TUBGCP4: variants seen among roughly 807,000 people sequenced by gnomAD.
TUBGCP4 encodes the protein tubulin gamma complex component 4.
A neutral mutation model predicts 91.6 loss-of-function variants in TUBGCP4; 54 were observed. The observed-to-expected ratio is 0.59, with a 90% CI of 0.47 to 0.74. TUBGCP4 has a LOEUF of 0.74. TUBGCP4 is among the 30% of genes least tolerant of loss of function. The pLI, the probability that TUBGCP4 is intolerant of heterozygous loss-of-function variation, is 0.00. For missense variants in TUBGCP4, 593 were observed against 800.9 expected (o/e 0.74, Z 3.13); for synonymous variants, 297 against 302.8 (o/e 0.98, Z 0.20).
rs45528644 is a variant in TUBGCP4 at position 43,408,327 on chromosome 15, A to G, written c.*3113A>G. The stretch of plus-strand genomic sequence containing the variant: ...ACCCCATCTCTACAAAAGACAACAA[A>G]AAAATTAGCTGGGTGTGGTGGCGAG... On this transcript the variant is annotated 3_prime_UTR_variant, in exon 18 of 18. Coordinates refer to ENST00000564079, the MANE Select transcript of TUBGCP4 (RefSeq NM_014444.5). The G allele has an allele frequency of 4.5e-3, 1,836 of 408,146 alleles. 36 individuals carry two copies. Among genetic ancestry groups the G allele is most frequent in the African/African-American group, 0.035 (1,692 of 48,752 alleles). 25.3% of individuals were successfully genotyped at this position (408,146 alleles called of 1,614,324 possible). A position where few individuals can be genotyped will look rare whatever the true frequency, so the allele number is the denominator to read the frequency against.
chr15:43,395,577 C>T lies in TUBGCP4; in HGVS notation c.1066-6C>T, dbSNP rs747408422. 12 of 1,609,062 alleles carry T rather than the reference C, an allele frequency of 7.5e-6. No homozygotes were observed. Among genetic ancestry groups the T allele is most frequent in the South Asian group, 1.1e-5 (1 of 90,936 alleles). ...ACTGAATTGTAAATTGAAATTCTTT[C>T]CTCAGATCATTAAAGACTTTTACCT... On this transcript the variant is annotated splice_region_variant and splice_polypyrimidine_tract_variant and intron_variant, in intron 10 of 17. Transcript: ENST00000564079.
At chr15:43,399,196 A>G in intron 13 of TUBGCP4, 4 of 1,196,490 alleles carry the variant, frequency 3.3e-6, no homozygotes, top group Non-Finnish European at 4.3e-6. Flanking sequence ...CTATTCTACC[A>G]GGAATCAGCT....
chr15:43,407,962 A>G lies in TUBGCP4; in HGVS notation c.*2748A>G, dbSNP rs755554380. 3.1e-6 allele frequency: 5 copies of G among 1,613,264 alleles called. No homozygotes were observed. The Admixed American group carries it at 8.3e-5, about 27-fold the overall frequency. On this transcript the variant is annotated 3_prime_UTR_variant, in exon 18 of 18. Coordinates refer to ENST00000564079, the MANE Select transcript of TUBGCP4 (RefSeq NM_014444.5). ...AGGTACCTTTGTTATGGGCACTTGA[A>G]TGGTGCTGCTTCACAGAGGCTGCAC...
In TUBGCP4 at chr15:43,408,104, G is replaced by C. The variant is rs777123727; in HGVS notation, c.*2890G>C. On this transcript the variant is annotated 3_prime_UTR_variant, in exon 18 of 18. Transcript: ENST00000564079. ...ACGGGGTTGCCTATGAAGGAGACAG[G>C]AAAGGACCTTAGCATGACAAGTAAT... 6.2e-7 allele frequency: 1 copy of C among 1,612,560 alleles called. No homozygotes were observed. The highest frequency in any genetic ancestry group is 2.2e-5 in the East Asian group (1 of 44,870).
At position 43,407,149 on chromosome 15, in the gene TUBGCP4, G is replaced by A. The variant is rs1432420170; in HGVS notation, c.*1935G>A. ...GAATAAGCCTGTTGAAAGACTCAGA[G>A]AAAGTACTATGTCTTGTCATTTGTT... is the stretch of plus-strand genomic sequence containing the variant. On this transcript the variant is annotated 3_prime_UTR_variant, in exon 18 of 18. Coordinates refer to ENST00000564079, the MANE Select transcript of TUBGCP4 (RefSeq NM_014444.5). The A allele has an allele frequency of 6.4e-6, 3 of 471,418 alleles. No homozygotes were observed. The highest frequency in any genetic ancestry group is 1.1e-5 in the Non-Finnish European group (3 of 262,086). The allele number at this position is 471,418 out of a possible 1,614,324, so 29.2% of individuals were successfully genotyped here.
rs756865713 is a variant in TUBGCP4 at position 43,376,109 on chromosome 15, C to T, written c.90C>T (p.Asp30=). 7 of 1,613,972 alleles carry T rather than the reference C, an allele frequency of 4.3e-6. No individual in the cohort carries two copies. Among genetic ancestry groups the T allele is most frequent in the South Asian group, 3.3e-5 (3 of 91,076 alleles). Residue 30 remains aspartate, a synonymous_variant, in exon 2 of 18, where the codon GAC becomes GAT. Coordinates refer to ENST00000564079, the MANE Select transcript of TUBGCP4 (RefSeq NM_014444.5). ...TCCTCTTCCTGCAGGTATCGCAGGACTTCCCTTTCCTCCACCCCAGTGAGA... is the reference window on the plus strand; with the variant it reads ...TCCTCTTCCTGCAGGTATCGCAGGATTTCCCTTTCCTCCACCCCAGTGAGA... ...NKRSGLQVSQ[D]FPFLHPSETS... is the part of the protein sequence containing the mutation.
At position 43,409,770 on chromosome 15, in the gene TUBGCP4, A is replaced by G; in HGVS notation, c.*4556A>G. On this transcript the variant is annotated 3_prime_UTR_variant, in exon 18 of 18. Coordinates refer to ENST00000564079, the MANE Select transcript of TUBGCP4 (RefSeq NM_014444.5). ...TATTAAAAAAAAAAACCAAGATAAT[A>G]ATTACTGAGTGGTTTTCTTATTTGC... is the stretch of plus-strand genomic sequence containing the variant. 1 of 1,179,798 alleles carries G rather than the reference A, an allele frequency of 8.5e-7. No homozygotes were observed. The highest frequency in any genetic ancestry group is 1.2e-6 in the Non-Finnish European group (1 of 838,810). 73.1% of individuals were successfully genotyped at this position (1,179,798 alleles called of 1,614,324 possible). A position where few individuals can be genotyped will look rare whatever the true frequency, so the allele number is the denominator to read the frequency against.
At position 43,397,277 on chromosome 15, in the gene TUBGCP4, C is replaced by T. The variant is rs1595496277; in HGVS notation, c.1235C>T (p.Pro412Leu). ...KVLLDDDNLL[P>L]LLHLTIEYHG... ...TTGCTAGATGATGACAACCTTCTCC[C>T]TCTGTTGCACTTGACAATCGAGTAT... The change falls in exon 12 of 18, where the codon CCT becomes CTT. Residue 412 changes from proline to leucine, a missense_variant. Transcript: ENST00000564079. 6.2e-7 allele frequency: 1 copy of T among 1,614,052 alleles called. No homozygotes were observed.
chr15:43,390,291 G>C (rs1468878682), intron 9 of TUBGCP4, among the ~76,000 whole-genome samples: 1 of 151,974 alleles, frequency 6.6e-6, no homozygotes, highest in Non-Finnish European at 1.5e-5. Context: ...GATATTTTTA[G>C]GAGGGAAAAC....
intron 9 of TUBGCP4, among the ~76,000 whole-genome samples, chr15:43,387,443 A>T (rs1314370599): frequency 6.6e-6 from 1 of 152,168 alleles, no homozygotes; most frequent in Non-Finnish European, 1.5e-5. Context: ...TAAGCATAGA[A>T]TCGCATGAGA....
rs1414343302 is a variant in TUBGCP4, at chr15:43,408,028, C to T, written c.*2814C>T. The T allele has an allele frequency of 6.2e-7, 1 of 1,614,146 alleles. No individual in the cohort carries two copies. The highest frequency in any genetic ancestry group is 1.1e-5 in the South Asian group (1 of 91,082). On this transcript the variant is annotated 3_prime_UTR_variant, in exon 18 of 18. Coordinates refer to ENST00000564079, the MANE Select transcript of TUBGCP4 (RefSeq NM_014444.5). ...TCTCAGACCAGAGCTCCAGGAAGTT[C>T]TGCTGTTGGTCTGATACCAAGAGTA...
rs779140167 is a variant in TUBGCP4, at chr15:43,383,405, G to T, written c.624G>T (p.Gly208=). ...ATGAAGAATTCTTTATCAAACAGGG[G>T]CCATCTTCTGGTAATGTCAGTGCCC... ...DQHEEFFIKQ[G]PSSGNVSAQP... Residue 208 remains glycine, a synonymous_variant, in exon 7 of 18, where the codon GGG becomes GGT. Transcript: ENST00000564079. The T allele has an allele frequency of 6.2e-7, 1 of 1,614,168 alleles. No homozygotes were observed. Among genetic ancestry groups the T allele is most frequent in the Middle Eastern group, 1.6e-4 (1 of 6,062 alleles).
chr15:43,406,162 C>T lies in TUBGCP4; in HGVS notation c.*948C>T, dbSNP rs981239471. On this transcript the variant is annotated 3_prime_UTR_variant, in exon 18 of 18. Transcript: ENST00000564079. ...ATTGCAGGCCCAATTACCCATCTTACACAAACCATAGGGGTTGAAGTTATC... is the reference window on the plus strand; with the variant it reads ...ATTGCAGGCCCAATTACCCATCTTATACAAACCATAGGGGTTGAAGTTATC... 6.6e-6 allele frequency: 1 copy of T among 151,676 alleles called. No homozygotes were observed. Among genetic ancestry groups the T allele is most frequent in the African/African-American group, 2.4e-5 (1 of 41,148 alleles). The allele number at this position is 151,676 out of a possible 1,614,324, so 9.4% of individuals were successfully genotyped here. A position where few individuals can be genotyped will look rare whatever the true frequency, so the allele number is the denominator to read the frequency against.
chr15:43,407,967 G>C lies in TUBGCP4; in HGVS notation c.*2753G>C. The C allele has an allele frequency of 6.2e-7, 1 of 1,613,588 alleles. No homozygotes were observed. Among genetic ancestry groups the C allele is most frequent in the Non-Finnish European group, 8.5e-7 (1 of 1,179,984 alleles). On this transcript the variant is annotated 3_prime_UTR_variant, in exon 18 of 18. Coordinates refer to ENST00000564079, the MANE Select transcript of TUBGCP4 (RefSeq NM_014444.5). ...CCTTTGTTATGGGCACTTGAATGGT[G>C]CTGCTTCACAGAGGCTGCACCACCA...
chr15:43,385,655 GAGAA>G (rs1639925192), intron 7 of TUBGCP4, 132 bp from the exon 8 acceptor site: 2 of 854,734 alleles, frequency 2.3e-6, no homozygotes, highest in African/African-American at 3.4e-5. Context: ...TGGGTGGTTT[GAGAA>G]CTGTGCAACA....
chr15:43,404,086 TTGAACTAACCCCC>T, intron 16 of TUBGCP4: 1 of 522,566 alleles, frequency 1.9e-6, no homozygotes, highest in Middle Eastern at 4.9e-4. Context: ...CCTTACTTCC[TTGAACTAACCCCC>T]ATCTCACTGA....
chr15:43,388,456 C>G (rs1355717053), intron 9 of TUBGCP4, among the ~76,000 whole-genome samples: 1 of 152,178 alleles, frequency 6.6e-6, no homozygotes, highest in Admixed American at 6.5e-5. Context: ...ATCTAAATGA[C>G]CCATGTTCCT....
intron 16 of TUBGCP4, chr15:43,404,072 C>A: frequency 1.9e-6 from 1 of 523,844 alleles, no homozygotes; most frequent in South Asian, 2.7e-5. Flanking sequence ...ACATCCTCCC[C>A]CCTCCTTACT....
intron 9 of TUBGCP4, among the ~76,000 whole-genome samples, chr15:43,392,222 C>T (rs536049475): frequency 8.0e-5 from 12 of 150,412 alleles, no homozygotes; most frequent in Admixed American, 1.3e-4. Context: ...AGGTTGAAAG[C>T]TTGACTCCTT....
Sources: allele counts gnomAD v4.1 joint callset (sites outside exome capture counted in the v4.1 genomes callset), GRCh38; gene constraint gnomAD v4.1.1; transcripts MANE v1.5; gene names NCBI Gene and HGNC (gene_info 2026-07-23, HGNC 2026-07-21).